Variants in RGS7 observed in about 807,000 individuals in gnomAD.
RGS7 encodes the protein regulator of G protein signaling 7.
In RGS7, 27 loss-of-function variants were observed where a neutral mutation model predicts 81.1. The ratio of observed to expected loss-of-function variants is 0.33; its 90% CI spans 0.25 to 0.46. RGS7 has a LOEUF of 0.46. RGS7 is among the 20% of genes least tolerant of loss of function. RGS7 has a pLI of 1.00. For synonymous variants in RGS7, 208 were observed against 207.7 expected (o/e 1.00, Z -0.01); for missense variants, 396 against 607.4 (o/e 0.65, Z 3.66).
At chr1:241,173,610 C>A (rs990079143) in intron 2 of RGS7, among the ~76,000 whole-genome samples, 2 of 151,908 alleles carry the variant, frequency 1.3e-5, no homozygotes, top group East Asian at 1.9e-4. Context: ...CACAGTGAGA[C>A]CCTGGTCTTT....
intron 3 of RGS7, among the ~76,000 whole-genome samples, chr1:241,071,970 A>G (rs1325239304): frequency 1.3e-5 from 2 of 151,560 alleles, no homozygotes; most frequent in Non-Finnish European, 2.9e-5. Context: ...TTATTGAAAA[A>G]TTTCTTCTCA....
intron 2 of RGS7, among the ~76,000 whole-genome samples, chr1:241,295,257 A>G (rs542530500): frequency 5.7e-4 from 86 of 151,310 alleles, no homozygotes; most frequent in East Asian, 3.9e-3. Flanking sequence ...GACCAGCCTG[A>G]CGAACATGAT....
chr1:241,327,015 GA>G, intron 2 of RGS7, among the ~76,000 whole-genome samples: 1 of 14,398 alleles, frequency 6.9e-5, no homozygotes, highest in African/African-American at 2.5e-4. Flanking sequence ...AGGAAGGAAG[GA>G]AGGAAGGAAG....
At chr1:240,998,678 A>G in intron 3 of RGS7, 1 of 1,150,408 alleles carries the variant, frequency 8.7e-7, no homozygotes, top group Non-Finnish European at 1.3e-6. Flanking sequence ...AAAAGGGTTC[A>G]ACATTTACAC....
chr1:240,824,755 G>A (rs1418202139), intron 10 of RGS7, among the ~76,000 whole-genome samples: 2 of 152,220 alleles, frequency 1.3e-5, no homozygotes, highest in African/African-American at 4.8e-5. Context: ...TATATTTGGA[G>A]ATCAGGCCTG....
At chr1:240,791,031 T>G (rs182898544) in intron 18 of RGS7, among the ~76,000 whole-genome samples, 2 of 152,338 alleles carry the variant, frequency 1.3e-5, no homozygotes, top group Non-Finnish European at 2.9e-5. Context: ...ATTGGGTAAT[T>G]TGGCTGATGA....
At chr1:241,139,473 T>C (rs2067768064) in intron 2 of RGS7, among the ~76,000 whole-genome samples, 1 of 152,254 alleles carries the variant, frequency 6.6e-6, no homozygotes, top group Non-Finnish European at 1.5e-5. Flanking sequence ...TGCTATTCTT[T>C]GGATAGAAAT....
At chr1:241,158,460 G>A (rs941392674) in intron 2 of RGS7, among the ~76,000 whole-genome samples, 3 of 152,142 alleles carry the variant, frequency 2.0e-5, no homozygotes, top group African/African-American at 7.2e-5. Flanking sequence ...GAGACCCCAC[G>A]TTATGCTCAA....
chr1:240,958,245 T>C (rs1680775124), intron 4 of RGS7, among the ~76,000 whole-genome samples: 1 of 152,216 alleles, frequency 6.6e-6, no homozygotes, highest in South Asian at 2.1e-4. Flanking sequence ...AGAGCCTCAT[T>C]CATTTCTGCT....
At chr1:240,956,852 G>GA (rs572143340) in intron 4 of RGS7, among the ~76,000 whole-genome samples, 62 of 138,712 alleles carry the variant, frequency 4.5e-4, no homozygotes, top group African/African-American at 6.3e-4. Context: ...CTAATCAGGA[G>GA]AAAAAAAAAA....
chr1:240,784,355 T>C (rs1165597353), intron 18 of RGS7, among the ~76,000 whole-genome samples: 1 of 151,994 alleles, frequency 6.6e-6, no homozygotes, highest in Non-Finnish European at 1.5e-5. Flanking sequence ...TAGATTTTTT[T>C]TGAGGCCGGG....
chr1:241,264,327 A>G (rs1268377028), intron 2 of RGS7, among the ~76,000 whole-genome samples: 2 of 152,090 alleles, frequency 1.3e-5, no homozygotes, highest in South Asian at 4.1e-4. Flanking sequence ...GTGAAAGCCC[A>G]TCTCTACTAA....
At chr1:240,994,343 ATT>A (rs1686955930) in intron 3 of RGS7, among the ~76,000 whole-genome samples, 2 of 152,042 alleles carry the variant, frequency 1.3e-5, no homozygotes, top group African/African-American at 4.8e-5. Context: ...ATCTTCTTTT[ATT>A]TCTTTCACCA....
intron 2 of RGS7, among the ~76,000 whole-genome samples, chr1:241,274,402 A>G (rs1188155308): frequency 1.3e-5 from 2 of 152,246 alleles, no homozygotes; most frequent in African/African-American, 4.8e-5. Context: ...AATTTTTTGA[A>G]GAGGCAAAGA....
intron 3 of RGS7, among the ~76,000 whole-genome samples, chr1:240,985,452 T>C (rs986373408): frequency 2.6e-5 from 4 of 151,886 alleles, no homozygotes; most frequent in African/African-American, 9.7e-5. Context: ...TTTTTTTTTC[T>C]GGGCAGAAAG....
At chr1:240,939,224 A>G (rs181658017) in intron 4 of RGS7, among the ~76,000 whole-genome samples, 62 of 152,028 alleles carry the variant, frequency 4.1e-4, no homozygotes, top group African/African-American at 1.4e-3. Context: ...ACTTCCATAC[A>G]TTTGCCTTCT....
intron 2 of RGS7, among the ~76,000 whole-genome samples, chr1:241,222,273 C>T (rs944762719): frequency 6.6e-6 from 1 of 152,168 alleles, no homozygotes; most frequent in Non-Finnish European, 1.5e-5. Context: ...CAGTGGTTCT[C>T]AAACTCAGCT....
intron 2 of RGS7, among the ~76,000 whole-genome samples, chr1:241,149,328 A>G (rs1379095604): frequency 4.6e-5 from 7 of 152,112 alleles, no homozygotes; most frequent in Non-Finnish European, 1.5e-5. Flanking sequence ...CACCACGCCC[A>G]GATAATGTTT....
chr1:240,849,665 G>C (rs141350900), intron 9 of RGS7, among the ~76,000 whole-genome samples: 6 of 152,208 alleles, frequency 3.9e-5, no homozygotes, highest in African/African-American at 1.4e-4. Flanking sequence ...GTTTAAAAGT[G>C]TGTGGTGCCT....
Sources: gnomAD v4.1 joint callset for allele counts (sites outside exome capture counted in the v4.1 genomes callset) on GRCh38, gnomAD v4.1.1 for gene constraint, MANE v1.5 for transcripts, NCBI Gene and HGNC (gene_info 2026-07-23, HGNC 2026-07-21) for gene names.